The following PRR5L variants were observed in gnomAD, a reference collection of about 807,000 sequenced individuals.
PRR5L encodes proline rich 5 like.
In PRR5L, 21 loss-of-function variants were observed where a neutral mutation model predicts 36.4. That is an observed-to-expected ratio of 0.58 (90% CI 0.41 to 0.83). PRR5L has a LOEUF of 0.83. Among genes scored for constraint, PRR5L ranks in the 40% least tolerant of loss-of-function variants. The pLI is 0.00. For missense variants in PRR5L, 381 were observed against 473.3 expected (o/e 0.80, Z 1.81); for synonymous variants, 188 against 197.0 (o/e 0.95, Z 0.38).
At chr11:36,359,909 C>T (rs190463942) in intron 1 of PRR5L, among the ~76,000 whole-genome samples, 13 of 152,162 alleles carry the variant, frequency 8.5e-5, no homozygotes, top group Middle Eastern at 3.4e-3. Flanking sequence ...TGGTGATGCG[C>T]GCCTGTAGTC....
chr11:36,441,322 C>T (rs1858718371), intron 6 of PRR5L, among the ~76,000 whole-genome samples: 1 of 152,228 alleles, frequency 6.6e-6, no homozygotes, highest in Non-Finnish European at 1.5e-5. Context: ...GGTACACATT[C>T]CCATTCCAAA....
chr11:36,419,170 C>T (rs1858211807), intron 3 of PRR5L, 85 bp from the exon 4 acceptor site: 1 of 1,268,466 alleles, frequency 7.9e-7, no homozygotes, highest in Admixed American at 1.7e-5. Context: ...CTGGCCCCAC[C>T]CCGTGCCACT....
intron 1 of PRR5L, among the ~76,000 whole-genome samples, chr11:36,349,562 G>C (rs1856906266): frequency 6.6e-6 from 1 of 152,130 alleles, no homozygotes; most frequent in African/African-American, 2.4e-5. Flanking sequence ...GGGGCCTTCT[G>C]TTCTTTCTCT....
intron 1 of PRR5L, among the ~76,000 whole-genome samples, chr11:36,342,638 CCTT>C (rs1229095606): frequency 1.3e-5 from 2 of 152,140 alleles, no homozygotes; most frequent in Non-Finnish European, 2.9e-5. Context: ...AAGCAGGCCT[CCTT>C]CTAGGATCCC....
intron 1 of PRR5L, among the ~76,000 whole-genome samples, chr11:36,340,160 G>C (rs1206689150): frequency 6.6e-6 from 1 of 152,200 alleles, no homozygotes; most frequent in Non-Finnish European, 1.5e-5. Context: ...ACCAATCTGT[G>C]TGGTTTTGTT....
intron 1 of PRR5L, among the ~76,000 whole-genome samples, chr11:36,304,839 A>T (rs1856414026): frequency 6.6e-6 from 1 of 152,136 alleles, no homozygotes. Context: ...CGCACTTTAC[A>T]CTCACTGGGA....
intron 1 of PRR5L, among the ~76,000 whole-genome samples, chr11:36,360,182 T>C (rs895235485): frequency 3.3e-5 from 5 of 152,136 alleles, no homozygotes; most frequent in African/African-American, 1.2e-4. Context: ...CTACCTTGTG[T>C]CTAGTAGAAT....
intron 1 of PRR5L, among the ~76,000 whole-genome samples, chr11:36,367,974 A>AAGTACTAG (rs1309126719): frequency 6.6e-6 from 1 of 151,926 alleles, no homozygotes; most frequent in Non-Finnish European, 1.5e-5. Flanking sequence ...GTGGGAGCCA[A>AAGTACTAG]AGTACTAGAG....
chr11:36,419,163 G>A, intron 3 of PRR5L, 92 bp from the exon 4 acceptor site: 1 of 1,161,194 alleles, frequency 8.6e-7, no homozygotes, highest in African/African-American at 1.5e-5. Flanking sequence ...CTCAGACCTG[G>A]CCCCACCCCG....
intron 1 of PRR5L, among the ~76,000 whole-genome samples, chr11:36,366,601 A>C (rs1857146356): frequency 6.6e-6 from 1 of 152,234 alleles, no homozygotes; most frequent in Non-Finnish European, 1.5e-5. Context: ...AAAGTCCTAG[A>C]AACCAAATTA....
chr11:36,350,966 A>G (rs1313188759), intron 1 of PRR5L, among the ~76,000 whole-genome samples: 3 of 92,428 alleles, frequency 3.2e-5, no homozygotes, highest in African/African-American at 1.5e-4. Context: ...ATATATTTAT[A>G]TATTTATATA....
At chr11:36,347,271 T>C (rs1267563473) in intron 1 of PRR5L, among the ~76,000 whole-genome samples, 1 of 152,196 alleles carries the variant, frequency 6.6e-6, no homozygotes, top group Non-Finnish European at 1.5e-5. Flanking sequence ...ACATATGCAG[T>C]GGGAATTCCC....
At chr11:36,308,621 A>T (rs923368664) in intron 1 of PRR5L, among the ~76,000 whole-genome samples, 1 of 152,226 alleles carries the variant, frequency 6.6e-6, no homozygotes, top group Non-Finnish European at 1.5e-5. Context: ...CTTCGTGGGA[A>T]TCACAATTTT....
intron 1 of PRR5L, 92 bp from the exon 2 acceptor site, chr11:36,400,905 C>CG (rs1406856138): frequency 1.9e-6 from 2 of 1,039,894 alleles, no homozygotes; most frequent in African/African-American, 3.3e-5. Context: ...CAGTTGTTTT[C>CG]GGGGTAGTTA....
At chr11:36,439,137 C>A (rs531122293) in intron 6 of PRR5L, among the ~76,000 whole-genome samples, 19 of 152,216 alleles carry the variant, frequency 1.2e-4, no homozygotes, top group Non-Finnish European at 2.1e-4. Flanking sequence ...TGAATCAGTA[C>A]CTGGCGCCTC....
intron 6 of PRR5L, among the ~76,000 whole-genome samples, chr11:36,442,349 T>C (rs956999322): frequency 1.3e-5 from 2 of 151,676 alleles, no homozygotes; most frequent in African/African-American, 4.8e-5. Flanking sequence ...CTTATAATTT[T>C]TTTTTTTTTC....
chr11:36,388,575 A>G (rs1473126536), intron 1 of PRR5L, among the ~76,000 whole-genome samples: 1 of 151,930 alleles, frequency 6.6e-6, no homozygotes, highest in African/African-American at 2.4e-5. Context: ...TTCCAGAGAC[A>G]TTTTACGCAC....
chr11:36,296,562 A>G (rs1379669481), intron 1 of PRR5L, 124 bp downstream of exon 1: 1 of 152,234 alleles, frequency 6.6e-6, no homozygotes, highest in Admixed American at 6.5e-5. Context: ...GAAAGCCACC[A>G]TCTGCTGTTA....
At chr11:36,324,118 A>G (rs1485549745) in intron 1 of PRR5L, among the ~76,000 whole-genome samples, 1 of 152,230 alleles carries the variant, frequency 6.6e-6, no homozygotes, top group African/African-American at 2.4e-5. Context: ...AGTGATTCCT[A>G]ATAGTCCCTA....
Sources: gnomAD v4.1 joint callset for allele counts (sites outside exome capture counted in the v4.1 genomes callset) on GRCh38, gnomAD v4.1.1 for gene constraint, MANE v1.5 for transcripts, NCBI Gene and HGNC (gene_info 2026-07-23, HGNC 2026-07-21) for gene names.